KCTD5: variants seen among roughly 807,000 people sequenced by gnomAD.
KCTD5 encodes potassium channel tetramerization domain containing 5, also known as BTB/POZ domain-containing protein KCTD5.
Under a neutral mutation model 27.9 loss-of-function variants are expected in KCTD5, and 12 were observed. That is an observed-to-expected ratio of 0.43 (90% CI 0.28 to 0.70). KCTD5 has a LOEUF of 0.70. Among genes scored for constraint, KCTD5 ranks in the 30% least tolerant of loss-of-function variants. The pLI, the probability that KCTD5 is intolerant of heterozygous loss-of-function variation, is 0.19. For synonymous variants in KCTD5, 147 were observed against 121.4 expected (o/e 1.21, Z -1.39); for missense variants, 226 against 274.8 (o/e 0.82, Z 1.26).
intron 1 of KCTD5, among the ~76,000 whole-genome samples, chr16:2,691,846 C>T (rs866213104): frequency 3.3e-5 from 5 of 152,368 alleles, no homozygotes; most frequent in Admixed American, 6.5e-5. Flanking sequence ...GGGTCCCCCG[C>T]GGTGCCTCAG....
chr16:2,702,485 G>A lies in KCTD5; in HGVS notation c.675+7G>A. 1 of 1,612,812 alleles carries A rather than the reference G, an allele frequency of 6.2e-7. No homozygotes were observed. The highest frequency in any genetic ancestry group is 8.5e-7 in the Non-Finnish European group (1 of 1,179,798). On this transcript the variant is annotated splice_region_variant and intron_variant, in intron 5 of 5. Transcript: ENST00000301738. Reference sequence around the variant, plus strand: ...GCCCAGCGAGAAGGCCAAGGTGAGTGCTGGGCCGGCCCTGGCCTGGGGCAG... The same window carrying A: ...GCCCAGCGAGAAGGCCAAGGTGAGTACTGGGCCGGCCCTGGCCTGGGGCAG...
intron 5 of KCTD5, 49 bp downstream of exon 5, chr16:2,702,527 C>G (rs745830428): frequency 3.1e-6 from 5 of 1,594,574 alleles, no homozygotes; most frequent in Non-Finnish European, 4.3e-6. Flanking sequence ...GTGGGGAAGG[C>G]TCTTGCCCTC....
chr16:2,697,649 C>G (rs1390669033), intron 2 of KCTD5, among the ~76,000 whole-genome samples: 1 of 152,254 alleles, frequency 6.6e-6, no homozygotes, highest in African/African-American at 2.4e-5. Context: ...TCAAGGTTAC[C>G]TGGGGTGACC....
chr16:2,698,600 C>G (rs555265427), intron 3 of KCTD5, among the ~76,000 whole-genome samples: 7 of 152,226 alleles, frequency 4.6e-5, no homozygotes, highest in Middle Eastern at 3.4e-3. Flanking sequence ...CCCGCCCCCC[C>G]CACCCAAGCT....
intron 1 of KCTD5, among the ~76,000 whole-genome samples, chr16:2,693,591 A>G (rs1031951095): frequency 2.0e-5 from 3 of 152,102 alleles, no homozygotes; most frequent in Admixed American, 6.5e-5. Flanking sequence ...GTTTCCGCCG[A>G]TGGCCGTCCC....
chr16:2,706,998 T>G (rs1230513967), intron 5 of KCTD5, among the ~76,000 whole-genome samples: 1 of 151,404 alleles, frequency 6.6e-6, no homozygotes, highest in Non-Finnish European at 1.5e-5. Flanking sequence ...TTGCGCTTCA[T>G]GTCTGAGGCC....
intron 1 of KCTD5, chr16:2,683,028 G>T (rs1476774156): frequency 1.9e-6 from 1 of 513,116 alleles, no homozygotes; most frequent in Non-Finnish European, 3.4e-6. Context: ...TGAGGATCCT[G>T]AGTCGATTCA....
At chr16:2,706,194 G>C (rs1249150735) in intron 5 of KCTD5, among the ~76,000 whole-genome samples, 5 of 152,316 alleles carry the variant, frequency 3.3e-5, no homozygotes, top group African/African-American at 1.2e-4. Flanking sequence ...CAGAGCTGTT[G>C]GGGGGTGGAG....
chr16:2,700,826 C>G (rs1407943618), intron 4 of KCTD5, among the ~76,000 whole-genome samples: 1 of 148,018 alleles, frequency 6.8e-6, no homozygotes, highest in Non-Finnish European at 1.5e-5. Context: ...TAAAATGTCA[C>G]TAAAAACATT....
intron 2 of KCTD5, among the ~76,000 whole-genome samples, chr16:2,696,683 T>C (rs2067587575): frequency 6.6e-6 from 1 of 152,142 alleles, no homozygotes; most frequent in Admixed American, 6.5e-5. Flanking sequence ...CCCGGGTCCG[T>C]GTCTGCGCAT....
rs2067593745 is a variant in KCTD5 at position 2,697,956 on chromosome 16, G to A, written c.412G>A (p.Val138Ile). 1.2e-6 allele frequency: 2 copies of A among 1,612,512 alleles called. No homozygotes were observed. Among genetic ancestry groups the A allele is most frequent in the Non-Finnish European group, 1.7e-6 (2 of 1,178,714 alleles). ...FYNITSLIKL[V>I]KDKIRERDSK... ...CAATATCACCTCATTAATAAAACTT[G>A]TAAAGGACAAAATTAGAGAACGAGA... is the stretch of plus-strand genomic sequence containing the variant. Residue 138 changes from valine to isoleucine, a missense_variant, in exon 3 of 6, where the codon GTA becomes ATA. By Grantham distance (29) the Val-to-Ile change is conservative (BLOSUM62 3). Coordinates refer to ENST00000301738, the MANE Select transcript of KCTD5 (RefSeq NM_018992.4).
chr16:2,699,674 G>A, intron 3 of KCTD5, 147 bp from the exon 4 acceptor site: 1 of 633,912 alleles, frequency 1.6e-6, no homozygotes, highest in South Asian at 1.9e-5. Flanking sequence ...TTGCTTTTGT[G>A]GATGTGCTCA....
chr16:2,688,230 T>TAA (rs1236371990), intron 1 of KCTD5, among the ~76,000 whole-genome samples: 78 of 82,820 alleles, frequency 9.4e-4, no homozygotes, highest in African/African-American at 1.8e-3. Flanking sequence ...AATAAATAAA[T>TAA]ATATATATAT....
At chr16:2,702,499 G>T (rs189273223) in intron 5 of KCTD5, 21 bp downstream of exon 5, 21,108 of 1,610,804 alleles carry the variant, frequency 0.013, 181 homozygotes, top group Non-Finnish European at 0.016. Context: ...GGCCGGCCCT[G>T]GCCTGGGGCA....
At chr16:2,703,219 C>T (rs1178291025) in intron 5 of KCTD5, among the ~76,000 whole-genome samples, 1 of 152,172 alleles carries the variant, frequency 6.6e-6, no homozygotes, top group South Asian at 2.1e-4. Flanking sequence ...AAGGTTGAGG[C>T]TCCAAGATGG....
intron 4 of KCTD5, among the ~76,000 whole-genome samples, chr16:2,701,590 G>GC (rs2067612359): frequency 6.6e-6 from 1 of 152,256 alleles, no homozygotes; most frequent in Admixed American, 6.5e-5. Context: ...CTATACAGGA[G>GC]CAGCAGGTAG....
At chr16:2,692,365 G>A (rs1302132262) in intron 1 of KCTD5, among the ~76,000 whole-genome samples, 1 of 152,214 alleles carries the variant, frequency 6.6e-6, no homozygotes, top group Non-Finnish European at 1.5e-5. Context: ...AGAGGAGACT[G>A]TGGGGGCAGC....
chr16:2,696,792 C>T (rs1448830353), intron 2 of KCTD5, among the ~76,000 whole-genome samples: 4 of 152,252 alleles, frequency 2.6e-5, no homozygotes, highest in East Asian at 1.9e-4. Flanking sequence ...CGTGGAGTGA[C>T]GGGGGCTGTG....
At chr16:2,706,913 G>A (rs1202356439) in intron 5 of KCTD5, among the ~76,000 whole-genome samples, 1 of 151,744 alleles carries the variant, frequency 6.6e-6, no homozygotes, top group Non-Finnish European at 1.5e-5. Flanking sequence ...GGGGGCTGCA[G>A]TGGGCATGGA....
Sources: gnomAD v4.1 joint callset for allele counts (sites outside exome capture counted in the v4.1 genomes callset) on GRCh38, gnomAD v4.1.1 for gene constraint, MANE v1.5 for transcripts, NCBI Gene and HGNC (gene_info 2026-07-23, HGNC 2026-07-21) for gene names.